The following ARHGAP44 variants were observed in gnomAD, a reference collection of about 807,000 sequenced individuals.
ARHGAP44 encodes rho GTPase-activating protein 44.
Under a neutral mutation model 106.8 loss-of-function variants are expected in ARHGAP44, and 43 were observed. The ratio of observed to expected loss-of-function variants is 0.40; its 90% confidence interval spans 0.32 to 0.52. The LOEUF (loss-of-function observed/expected upper bound fraction) is 0.52. Ranked by LOEUF, ARHGAP44 falls within the 20% of genes least tolerant of loss-of-function variation. The pLI is 0.48. For synonymous variants in ARHGAP44, 439 were observed against 410.3 expected (o/e 1.07, Z -0.85); for missense variants, 866 against 1,050.5 (o/e 0.82, Z 2.43).
intron 1 of ARHGAP44, among the ~76,000 whole-genome samples, chr17:12,857,815 T>C (rs990957413): frequency 6.6e-6 from 1 of 150,942 alleles, no homozygotes; most frequent in African/African-American, 2.4e-5. Flanking sequence ...TTTATTTATA[T>C]CCTGCCCCAT....
chr17:12,803,652 A>G (rs1471435121), intron 1 of ARHGAP44, among the ~76,000 whole-genome samples: 1 of 152,102 alleles, frequency 6.6e-6, no homozygotes, highest in Non-Finnish European at 1.5e-5. Flanking sequence ...TCTTAATTAT[A>G]GTCTGCTTCT....
chr17:12,820,285 G>A (rs979010909), intron 1 of ARHGAP44, among the ~76,000 whole-genome samples: 1 of 151,616 alleles, frequency 6.6e-6, no homozygotes. Flanking sequence ...ATATTCATGG[G>A]GTACGTTGTG....
intron 1 of ARHGAP44, among the ~76,000 whole-genome samples, chr17:12,818,810 A>G (rs2150792325): frequency 6.6e-6 from 1 of 152,132 alleles, no homozygotes; most frequent in African/African-American, 2.4e-5. Flanking sequence ...CATATTCGAG[A>G]TTGTTGGATT....
At chr17:12,947,419 C>T (rs2038882674) in intron 10 of ARHGAP44, among the ~76,000 whole-genome samples, 1 of 152,154 alleles carries the variant, frequency 6.6e-6, no homozygotes, top group Admixed American at 6.5e-5. Flanking sequence ...CCCCTCTGGC[C>T]TCTGACCTAG....
At chr17:12,804,932 C>T (rs1224563416) in intron 1 of ARHGAP44, among the ~76,000 whole-genome samples, 2 of 152,198 alleles carry the variant, frequency 1.3e-5, no homozygotes, top group East Asian at 3.9e-4. Flanking sequence ...TTCCTAGCTT[C>T]CTCCATCATT....
rs769920197 is a variant in ARHGAP44 at position 12,990,795 on chromosome 17, T to TAAC, written c.*626_*628dup. The TAAC allele has an allele frequency of 2.0e-5, 3 of 152,298 alleles. No homozygotes were observed. The highest frequency in any genetic ancestry group is 6.5e-5 in the Admixed American group (1 of 15,296). The allele number at this position is 152,298 out of a possible 1,614,324, so 9.4% of individuals were successfully genotyped here. On this transcript the variant is annotated 3_prime_UTR_variant, in exon 21 of 21. Transcript: ENST00000379672. Reference sequence around the variant, plus strand: ...CTGAAAACAAAAATGTTTCACTTCCTAACAGTTTTCCTTTTTCCACTGTGT... The same window carrying TAAC: ...CTGAAAACAAAAATGTTTCACTTCCTAACAACAGTTTTCCTTTTTCCACTGTGT...
At chr17:12,792,285 T>G (rs2033787860) in intron 1 of ARHGAP44, among the ~76,000 whole-genome samples, 1 of 152,218 alleles carries the variant, frequency 6.6e-6, no homozygotes, top group Admixed American at 6.5e-5. Context: ...CAGCTCATCA[T>G]TTTTTCATTT....
At chr17:12,797,469 A>G (rs1372345838) in intron 1 of ARHGAP44, among the ~76,000 whole-genome samples, 2 of 152,044 alleles carry the variant, frequency 1.3e-5, no homozygotes, top group African/African-American at 4.8e-5. Flanking sequence ...TTTGTTTTTT[A>G]TTGTCTGTTG....
intron 16 of ARHGAP44, among the ~76,000 whole-genome samples, chr17:12,967,108 T>G (rs1007818075): frequency 8.5e-6 from 1 of 117,146 alleles, no homozygotes; most frequent in Non-Finnish European, 1.7e-5. Flanking sequence ...CTCATTTTTT[T>G]TTTTTTGTTT....
chr17:12,945,607 G>A (rs1181351262), intron 10 of ARHGAP44, among the ~76,000 whole-genome samples: 1 of 152,132 alleles, frequency 6.6e-6, no homozygotes, highest in African/African-American at 2.4e-5. Context: ...AGTTATATGG[G>A]ACAAAGTAAG....
intron 3 of ARHGAP44, among the ~76,000 whole-genome samples, chr17:12,897,710 CTTTTTTTTTTT>C (rs71980749): frequency 9.7e-4 from 106 of 108,952 alleles, no homozygotes; most frequent in Non-Finnish European, 1.5e-3. Flanking sequence ...TGATCTGTGT[CTTTTTTTTTTT>C]TTTTTTTTTG....
intron 1 of ARHGAP44, among the ~76,000 whole-genome samples, chr17:12,879,352 C>T (rs62058082): frequency 0.16 from 24,321 of 152,100 alleles, 2,430 homozygotes; most frequent in East Asian, 0.25. Flanking sequence ...ATCACATTTT[C>T]TTTATCCACT....
chr17:12,807,265 G>A (rs1457654757), intron 1 of ARHGAP44, among the ~76,000 whole-genome samples: 1 of 152,198 alleles, frequency 6.6e-6, no homozygotes, highest in Non-Finnish European at 1.5e-5. Context: ...AGTCCTCAGT[G>A]ACTGTGAATT....
intron 1 of ARHGAP44, among the ~76,000 whole-genome samples, chr17:12,825,272 A>G (rs2034885667): frequency 6.6e-6 from 1 of 152,046 alleles, no homozygotes; most frequent in Non-Finnish European, 1.5e-5. Flanking sequence ...TCCTGGACTC[A>G]AGCCATCTTC....
At chr17:12,912,067 A>G (rs1598041766) in intron 4 of ARHGAP44, among the ~76,000 whole-genome samples, 6 of 152,352 alleles carry the variant, frequency 3.9e-5, no homozygotes, top group Admixed American at 3.9e-4. Context: ...ATCTGAGGAA[A>G]GTCTCTAACC....
intron 1 of ARHGAP44, among the ~76,000 whole-genome samples, chr17:12,799,565 A>G (rs1010933482): frequency 2.6e-5 from 4 of 152,134 alleles, no homozygotes; most frequent in South Asian, 2.1e-4. Context: ...AGTTCCCTGG[A>G]TATGACTGGA....
Position 12,850,417 on chromosome 17 carries a change from A to T in ARHGAP44, c.54-44523A>T, listed in dbSNP as rs1371118818. 3.3e-5 allele frequency among the ~76,000 whole-genome samples: 5 copies of T among 151,938 alleles called. 1 individual carries two copies. Among genetic ancestry groups the T allele is most frequent in the Admixed American group, 3.3e-4 (5 of 15,250 alleles). On this transcript the variant is annotated intron_variant, in intron 1 of 20. Transcript: ENST00000379672. ...AATTGCGATTGCCTTACTCAGTTTC[A>T]TTGGCTCATAAGGGATCCTTTGCCT...
chr17:12,825,592 G>A (rs745356678), intron 1 of ARHGAP44, among the ~76,000 whole-genome samples: 1 of 152,102 alleles, frequency 6.6e-6, no homozygotes, highest in East Asian at 1.9e-4. Flanking sequence ...TCTTTTTCTG[G>A]GGGACCTCAG....
chr17:12,818,996 G>A (rs2034682363), intron 1 of ARHGAP44, among the ~76,000 whole-genome samples: 1 of 152,044 alleles, frequency 6.6e-6, no homozygotes, highest in African/African-American at 2.4e-5. Flanking sequence ...AGAGTTGGAA[G>A]GATCACACTA....
Sources: gnomAD v4.1 joint callset for allele counts (sites outside exome capture counted in the v4.1 genomes callset) on GRCh38, gnomAD v4.1.1 for gene constraint, MANE v1.5 for transcripts, NCBI Gene and HGNC (gene_info 2026-07-23, HGNC 2026-07-21) for gene names.